The following CSMD1 variants were observed in gnomAD, a reference collection of about 807,000 sequenced individuals.
CSMD1 encodes CUB and sushi domain-containing protein 1.
CSMD1 carries 213 observed loss-of-function variants against 417.5 expected under a neutral mutation model. That is an observed-to-expected ratio of 0.51 (90% CI 0.46 to 0.57). The LOEUF (loss-of-function observed/expected upper bound fraction) is 0.57, where lower values mean the gene tolerates loss of function less well. Among genes scored for constraint, CSMD1 ranks in the 20% least tolerant of loss-of-function variants. The pLI, the probability that CSMD1 is intolerant of heterozygous loss-of-function variation, is 0.00. For synonymous variants in CSMD1, 2,862 were observed against 1,736.8 expected (o/e 1.65, Z -16.11); for missense variants, 6,923 against 4,529.7 (o/e 1.53, Z -15.17).
At chr8:4,970,523 T>C (rs940829308) in intron 1 of CSMD1, among the ~76,000 whole-genome samples, 8 of 152,102 alleles carry the variant, frequency 5.3e-5, no homozygotes, top group Admixed American at 2.6e-4. Context: ...TCTTAAACTA[T>C]ATGATATATT....
In CSMD1 at chr8:4,495,350, C is replaced by T. The variant is rs1383701040; in HGVS notation, c.303-75285G>A. On this transcript the variant is annotated intron_variant, in intron 2 of 69. Coordinates refer to ENST00000635120, the MANE Select transcript of CSMD1 (RefSeq NM_033225.6). ...CAGCACTTTGGGAGGCTGAGGCGGGCGGATCACGAAGTCAAGGGTTCGAGA... is the reference window on the plus strand; with the variant it reads ...CAGCACTTTGGGAGGCTGAGGCGGGTGGATCACGAAGTCAAGGGTTCGAGA... Among the ~76,000 whole-genome samples the T allele has an allele frequency of 4.6e-5, 7 of 152,026 alleles. No homozygotes were observed. In the East Asian group the frequency reaches 5.8e-4, roughly 13 times the overall value.
intron 1 of CSMD1, among the ~76,000 whole-genome samples, chr8:4,842,700 T>C (rs1357904152): frequency 6.6e-6 from 1 of 152,234 alleles, no homozygotes; most frequent in Non-Finnish European, 1.5e-5. Context: ...ACAATTATTA[T>C]GAGCTAGATG....
intron 3 of CSMD1, among the ~76,000 whole-genome samples, chr8:4,343,264 T>G (rs1009175172): frequency 6.6e-6 from 1 of 152,120 alleles, no homozygotes; most frequent in Non-Finnish European, 1.5e-5. Context: ...AGGTTGCCAG[T>G]GGTTGTGGGG....
At chr8:4,747,262 A>G (rs901734041) in intron 1 of CSMD1, among the ~76,000 whole-genome samples, 2 of 152,224 alleles carry the variant, frequency 1.3e-5, no homozygotes, top group African/African-American at 4.8e-5. Flanking sequence ...TTTCATAAGT[A>G]GTATTGAAAA....
At chr8:3,787,975 T>A (rs1376737384) in intron 5 of CSMD1, among the ~76,000 whole-genome samples, 1 of 152,214 alleles carries the variant, frequency 6.6e-6, no homozygotes, top group East Asian at 1.9e-4. Flanking sequence ...TGCTCTTGAA[T>A]AATTGGGAGC....
intron 1 of CSMD1, among the ~76,000 whole-genome samples, chr8:4,965,134 A>G (rs1164792119): frequency 6.6e-6 from 1 of 152,218 alleles, no homozygotes; most frequent in Non-Finnish European, 1.5e-5. Flanking sequence ...TTCTGAAGAT[A>G]CAAGCAAATA....
intron 3 of CSMD1, among the ~76,000 whole-genome samples, chr8:4,046,388 T>A (rs1294988838): frequency 6.6e-6 from 1 of 152,192 alleles, no homozygotes. Flanking sequence ...CATTAGTATA[T>A]TACAAATCCA....
chr8:4,325,360 A>G lies in CSMD1; in HGVS notation c.415+94593T>C, dbSNP rs138595407. Among the ~76,000 whole-genome samples the G allele has an allele frequency of 6.9e-3, 1,050 of 152,266 alleles. 11 individuals carry two copies. The highest frequency in any genetic ancestry group is 0.024 in the African/African-American group (1,014 of 41,552). On this transcript the variant is annotated intron_variant, in intron 3 of 69. Coordinates refer to ENST00000635120, the MANE Select transcript of CSMD1 (RefSeq NM_033225.6). ...AGGGTTCTCTTGTCTAGGAAGTCTT[A>G]GATAATCCCAAGAGACAGACCTCCA...
chr8:3,103,739 C>CT (rs35949402), intron 46 of CSMD1, among the ~76,000 whole-genome samples: 1 of 124,204 alleles, frequency 8.1e-6, no homozygotes, highest in African/African-American at 2.8e-5. Flanking sequence ...AATCAAATTC[C>CT]TTTTTTTTTT....
intron 3 of CSMD1, among the ~76,000 whole-genome samples, chr8:4,186,858 T>A (rs1584983294): frequency 6.8e-6 from 1 of 147,430 alleles, no homozygotes; most frequent in East Asian, 2.0e-4. Flanking sequence ...CAGCCGGGCG[T>A]GGTGTTGAGT....
intron 6 of CSMD1, among the ~76,000 whole-genome samples, chr8:3,743,563 G>A (rs1033533780): frequency 3.3e-5 from 5 of 152,232 alleles, no homozygotes; most frequent in Middle Eastern, 3.4e-3. Flanking sequence ...TAAATCTTGG[G>A]ACCTCAAACT....
chr8:2,950,772 T>C (rs1802574207), intron 66 of CSMD1, among the ~76,000 whole-genome samples: 2 of 152,204 alleles, frequency 1.3e-5, no homozygotes, highest in South Asian at 4.1e-4. Context: ...AATTGTGTGA[T>C]GATTTTAAAA....
Position 3,411,816 on chromosome 8 carries a change from A to G in CSMD1, c.1562-2211T>C, listed in dbSNP as rs540341912. On this transcript the variant is annotated intron_variant, in intron 12 of 69. Coordinates refer to ENST00000635120, the MANE Select transcript of CSMD1 (RefSeq NM_033225.6). ...TACACGTATATATACACGTATATAT[A>G]CGTGTATATGTATATATGCACGTAT... Among the ~76,000 whole-genome samples, 4 of 124,246 alleles carry G rather than the reference A, an allele frequency of 3.2e-5. 1 individual carries two copies. The East Asian group carries it at 1.0e-3, about 32-fold the overall frequency. 81.5% of individuals were successfully genotyped at this position (124,246 alleles called of 152,430 possible).
At chr8:3,798,857 T>A (rs943823420) in intron 5 of CSMD1, among the ~76,000 whole-genome samples, 1 of 152,092 alleles carries the variant, frequency 6.6e-6, no homozygotes, top group Non-Finnish European at 1.5e-5. Flanking sequence ...TACTCTTTCC[T>A]ATTTTCCTTT....
chr8:4,479,872 A>G (rs757925775), intron 2 of CSMD1, among the ~76,000 whole-genome samples: 46 of 151,992 alleles, frequency 3.0e-4, no homozygotes, highest in Non-Finnish European at 5.4e-4. Context: ...AGGCTGAGGC[A>G]GGAGAATTGC....
chr8:3,416,385 C>G (rs545469816), intron 12 of CSMD1, among the ~76,000 whole-genome samples: 1 of 149,780 alleles, frequency 6.7e-6, no homozygotes, highest in Non-Finnish European at 1.5e-5. Context: ...AACAGAGGAC[C>G]AAACACTACA....
intron 3 of CSMD1, among the ~76,000 whole-genome samples, chr8:4,369,315 G>C (rs201515676): frequency 2.6e-5 from 4 of 152,066 alleles, no homozygotes; most frequent in Non-Finnish European, 4.4e-5. Flanking sequence ...TGGTTGTTAT[G>C]AATTGAATTT....
chr8:3,634,453 T>C (rs887166208), intron 7 of CSMD1, among the ~76,000 whole-genome samples: 3 of 152,176 alleles, frequency 2.0e-5, no homozygotes, highest in African/African-American at 4.8e-5. Flanking sequence ...GGAGAATTAA[T>C]GCTGTCGGCA....
At chr8:4,097,819 T>C (rs982334002) in intron 3 of CSMD1, among the ~76,000 whole-genome samples, 16 of 152,198 alleles carry the variant, frequency 1.1e-4, no homozygotes, top group Non-Finnish European at 2.9e-5. Context: ...TGGGTTATGT[T>C]TGCCCTGTCT....
Sources: gnomAD v4.1 joint callset for allele counts (sites outside exome capture counted in the v4.1 genomes callset) on GRCh38, gnomAD v4.1.1 for gene constraint, MANE v1.5 for transcripts, NCBI Gene and HGNC (gene_info 2026-07-23, HGNC 2026-07-21) for gene names.